Variants in BRINP2 observed in about 807,000 individuals in gnomAD.
BRINP2 encodes BMP/retinoic acid-inducible neural-specific protein 2.
BRINP2 carries 21 observed loss-of-function variants against 69.2 expected under a neutral mutation model. The ratio of observed to expected loss-of-function variants is 0.30; its 90% CI spans 0.22 to 0.44. The LOEUF (loss-of-function observed/expected upper bound fraction) is 0.44. Ranked by LOEUF, BRINP2 falls within the 20% of genes least tolerant of loss-of-function variation. BRINP2 has a pLI of 1.00. For missense variants in BRINP2, 877 were observed against 986.0 expected (o/e 0.89, Z 1.48); for synonymous variants, 380 against 394.1 (o/e 0.96, Z 0.42).
At chr1:177,196,949 C>T (rs1381818391) in intron 1 of BRINP2, among the ~76,000 whole-genome samples, 2 of 152,110 alleles carry the variant, frequency 1.3e-5, no homozygotes, top group Non-Finnish European at 2.9e-5. Context: ...CCCAGTCCCC[C>T]CAGTTCATAT....
intron 1 of BRINP2, among the ~76,000 whole-genome samples, chr1:177,189,811 C>T (rs1035725275): frequency 2.6e-5 from 4 of 152,144 alleles, no homozygotes; most frequent in African/African-American, 9.7e-5. Flanking sequence ...TCTCCTGTCT[C>T]CTAAGGCAAC....
intron 2 of BRINP2, among the ~76,000 whole-genome samples, chr1:177,236,226 T>C (rs1650018466): frequency 6.6e-6 from 1 of 152,196 alleles, no homozygotes; most frequent in East Asian, 1.9e-4. Flanking sequence ...GCACAAGGCA[T>C]CTTAGGCCTT....
intron 2 of BRINP2, among the ~76,000 whole-genome samples, chr1:177,240,818 T>C (rs1650175648): frequency 6.6e-6 from 1 of 152,176 alleles, no homozygotes; most frequent in Non-Finnish European, 1.5e-5. Flanking sequence ...GGACGGCCAA[T>C]CAGGGCTAAG....
At chr1:177,266,434 A>G (rs888255470) in intron 4 of BRINP2, among the ~76,000 whole-genome samples, 1 of 151,928 alleles carries the variant, frequency 6.6e-6, no homozygotes, top group Non-Finnish European at 1.5e-5. Context: ...GTTCACCTGA[A>G]TGGCTCCCCC....
chr1:177,251,826 T>G (rs1179812314), intron 2 of BRINP2, among the ~76,000 whole-genome samples: 2 of 152,180 alleles, frequency 1.3e-5, no homozygotes, highest in African/African-American at 4.8e-5. Context: ...TAAGTTGGCC[T>G]TTCCTTTCCG....
chr1:177,180,670 T>G (rs2102288570), intron 1 of BRINP2, among the ~76,000 whole-genome samples: 1 of 151,906 alleles, frequency 6.6e-6, no homozygotes, highest in African/African-American at 2.4e-5. Flanking sequence ...GCCTAGGGGG[T>G]CTGGAGCTCC....
At chr1:177,250,079 T>C (rs937648110) in intron 2 of BRINP2, among the ~76,000 whole-genome samples, 3 of 151,862 alleles carry the variant, frequency 2.0e-5, no homozygotes, top group Non-Finnish European at 2.9e-5. Context: ...TGAGGCCTTA[T>C]GCCTCATAAT....
rs562111313 is a variant in BRINP2 at position 177,262,456 on chromosome 1, G to A, written c.669+5072G>A. ...GAACCCGGGAGACGGAGGTTGCAGC[G>A]AGCTGAGATTGCGCCACTGCACTCC... On this transcript the variant is annotated intron_variant, in intron 4 of 7. Transcript: ENST00000361539. Among the ~76,000 whole-genome samples, 7 of 151,420 alleles carry A rather than the reference G, an allele frequency of 4.6e-5. No homozygotes were observed. The South Asian group carries it at 8.4e-4, about 18-fold the overall frequency.
At chr1:177,217,546 G>T (rs1348614220) in intron 1 of BRINP2, among the ~76,000 whole-genome samples, 1 of 151,978 alleles carries the variant, frequency 6.6e-6, no homozygotes, top group Non-Finnish European at 1.5e-5. Context: ...ACTTTCTTTT[G>T]GAGGTGTTAT....
intron 1 of BRINP2, among the ~76,000 whole-genome samples, chr1:177,194,246 T>C (rs548095713): frequency 5.3e-5 from 8 of 152,238 alleles, no homozygotes; most frequent in Non-Finnish European, 1.0e-4. Context: ...TTAAAGCAAC[T>C]TGTAGGAAAA....
intron 1 of BRINP2, among the ~76,000 whole-genome samples, chr1:177,190,770 T>A (rs1386983368): frequency 6.6e-6 from 1 of 152,194 alleles, no homozygotes; most frequent in African/African-American, 2.4e-5. Flanking sequence ...TCAGATTGCC[T>A]GGTTTCAGTT....
At chr1:177,230,171 G>A (rs2102325551) in intron 2 of BRINP2, 26 bp downstream of exon 2, 1 of 1,569,272 alleles carries the variant, frequency 6.4e-7, no homozygotes, top group East Asian at 2.3e-5. Flanking sequence ...CACTGAGACA[G>A]GGGCTTCCCT....
At chr1:177,263,478 C>G (rs1651023235) in intron 4 of BRINP2, among the ~76,000 whole-genome samples, 1 of 152,128 alleles carries the variant, frequency 6.6e-6, no homozygotes, top group Non-Finnish European at 1.5e-5. Context: ...TACTTCCATG[C>G]CCAGGAGCAT....
intron 1 of BRINP2, among the ~76,000 whole-genome samples, chr1:177,212,469 C>T (rs981008582): frequency 2.6e-5 from 4 of 151,818 alleles, no homozygotes; most frequent in Admixed American, 2.0e-4. Context: ...GGTGTGAACC[C>T]AGGAGGCGGA....
At chr1:177,184,039 C>T (rs141767634) in intron 1 of BRINP2, among the ~76,000 whole-genome samples, 313 of 152,286 alleles carry the variant, frequency 2.1e-3, no homozygotes, top group Non-Finnish European at 2.6e-3. Flanking sequence ...CCATACACAT[C>T]GACCAGATAC....
chr1:177,230,187 C>A (rs3176442), intron 2 of BRINP2, 42 bp downstream of exon 2: 1 of 1,551,052 alleles, frequency 6.4e-7, no homozygotes, highest in South Asian at 1.2e-5. Context: ...TCCCTAAGAA[C>A]CCAACCTGCA....
chr1:177,201,672 T>C (rs1185282813), intron 1 of BRINP2, among the ~76,000 whole-genome samples: 1 of 152,188 alleles, frequency 6.6e-6, no homozygotes, highest in African/African-American at 2.4e-5. Flanking sequence ...TACACCTTGA[T>C]CTCATCAAGA....
At chr1:177,261,691 G>T (rs969602697) in intron 4 of BRINP2, among the ~76,000 whole-genome samples, 4 of 152,210 alleles carry the variant, frequency 2.6e-5, no homozygotes, top group African/African-American at 9.6e-5. Flanking sequence ...ATACACATGT[G>T]TAGTGGGTAT....
In BRINP2 at chr1:177,281,180, G is replaced by A. The variant is rs369281014; in HGVS notation, c.2004G>A (p.Met668Ile). The part of the protein sequence containing the change: ...NETIYYEPLE[M>I]TDPSKNLGYM... ...CAATCTACTATGAGCCCCTGGAGAT[G>A]ACTGATCCCTCTAAGAATTTGGGTT... is the stretch of plus-strand genomic sequence containing the variant. Residue 668 changes from methionine to isoleucine, a missense_variant, in exon 8 of 8, where the codon ATG (methionine) becomes ATA (isoleucine). This residue lies in a region of BRINP2 where 225 missense variants were observed against 218.7 expected (regional missense o/e 1.03). Transcript: ENST00000361539. 2.2e-5 allele frequency: 35 copies of A among 1,614,088 alleles called. No homozygotes were observed. Among genetic ancestry groups the A allele is most frequent in the Non-Finnish European group, 3.0e-5 (35 of 1,180,056 alleles).
Sources: gnomAD v4.1 joint callset for allele counts (sites outside exome capture counted in the v4.1 genomes callset) on GRCh38, gnomAD v4.1.1 for gene constraint, gnomAD v4.1.1 regional missense constraint, MANE v1.5 for transcripts, NCBI Gene and HGNC (gene_info 2026-07-23, HGNC 2026-07-21) for gene names.